The following FAM171B variants were observed in gnomAD, a reference collection of about 807,000 sequenced individuals.
FAM171B encodes family with sequence similarity 171 member B.
Under a neutral mutation model 75.6 loss-of-function variants are expected in FAM171B, and 19 were observed. The ratio of observed to expected loss-of-function variants is 0.25; its 90% confidence interval spans 0.18 to 0.37. FAM171B has a LOEUF of 0.37. FAM171B is among the 10% of genes least tolerant of loss of function. The pLI, the probability that FAM171B is intolerant of heterozygous loss-of-function variation, is 1.00. For synonymous variants in FAM171B, 367 were observed against 361.7 expected (o/e 1.01, Z -0.17); for missense variants, 848 against 982.4 (o/e 0.86, Z 1.83).
At chr2:186,740,103 T>G in intron 1 of FAM171B, 125 bp from the exon 2 acceptor site, 1 of 629,774 alleles carries the variant, frequency 1.6e-6, no homozygotes, top group South Asian at 2.2e-5. Flanking sequence ...TATGTATTTA[T>G]GTGTAGTTCC....
intron 5 of FAM171B, among the ~76,000 whole-genome samples, chr2:186,753,362 T>G (rs922742052): frequency 1.3e-5 from 2 of 152,182 alleles, no homozygotes; most frequent in Non-Finnish European, 2.9e-5. Context: ...AAATGACAAC[T>G]TTTTTGGAAT....
chr2:186,761,620 G>A lies in FAM171B; in HGVS notation c.1278G>A (p.Gln426=). 1 of 1,613,298 alleles carries A rather than the reference G, an allele frequency of 6.2e-7. No individual in the cohort carries two copies. The highest frequency in any genetic ancestry group is 8.5e-7 in the Non-Finnish European group (1 of 1,179,630). The change falls in exon 8 of 8, where the codon CAG becomes CAA. Residue 426 remains glutamine, a synonymous_variant. Coordinates refer to ENST00000304698, the MANE Select transcript of FAM171B (RefSeq NM_177454.4). The part of the protein sequence containing the change: ...KVALKAEDKS[Q]LFNAKNSSYS... Reference sequence around the variant, plus strand: ...CATTAAAAGCTGAGGACAAGTCGCAGTTATTCAATGCCAAAAACTCCTCAT... The same window carrying A: ...CATTAAAAGCTGAGGACAAGTCGCAATTATTCAATGCCAAAAACTCCTCAT...
At chr2:186,747,577 T>C (rs1044177942) in intron 4 of FAM171B, among the ~76,000 whole-genome samples, 1 of 152,212 alleles carries the variant, frequency 6.6e-6, no homozygotes, top group African/African-American at 2.4e-5. Flanking sequence ...GAAAATTTAA[T>C]ACATTCAAAA....
intron 1 of FAM171B, among the ~76,000 whole-genome samples, chr2:186,726,466 C>T (rs1316097287): frequency 6.6e-6 from 1 of 152,060 alleles, no homozygotes; most frequent in Non-Finnish European, 1.5e-5. Flanking sequence ...TAAACCCTTT[C>T]CACCCCACTT....
intron 1 of FAM171B, among the ~76,000 whole-genome samples, chr2:186,699,721 C>T (rs1689630657): frequency 6.6e-6 from 1 of 151,994 alleles, no homozygotes; most frequent in South Asian, 2.1e-4. Flanking sequence ...GGAAAATTTC[C>T]CCAGTGTTTT....
At chr2:186,737,606 T>G (rs897087054) in intron 1 of FAM171B, among the ~76,000 whole-genome samples, 5 of 152,192 alleles carry the variant, frequency 3.3e-5, no homozygotes, top group African/African-American at 1.2e-4. Context: ...CCTTTTAAAG[T>G]GCTGGGATTA....
chr2:186,748,788 GC>G (rs1690409284), intron 4 of FAM171B, among the ~76,000 whole-genome samples: 2 of 152,134 alleles, frequency 1.3e-5, no homozygotes, highest in Non-Finnish European at 2.9e-5. Context: ...AGGGTCTGCT[GC>G]TTGAGGAAGC....
chr2:186,754,393 T>C (rs149661436), intron 6 of FAM171B, among the ~76,000 whole-genome samples: 145 of 152,318 alleles, frequency 9.5e-4, no homozygotes, highest in Non-Finnish European at 1.7e-3. Context: ...AAAAATATGC[T>C]ATATTAGAAG....
intron 1 of FAM171B, among the ~76,000 whole-genome samples, chr2:186,736,566 G>GTGTGT (rs1553511472): frequency 5.5e-5 from 7 of 128,110 alleles, no homozygotes; most frequent in Admixed American, 3.3e-4. Flanking sequence ...GTGTGTGTGT[G>GTGTGT]GGAGAGAGAG....
chr2:186,737,449 T>C (rs1481977276), intron 1 of FAM171B, among the ~76,000 whole-genome samples: 3 of 152,186 alleles, frequency 2.0e-5, no homozygotes, highest in Non-Finnish European at 4.4e-5. Flanking sequence ...CTTGACCTCC[T>C]GGGCTAAATC....
In FAM171B at chr2:186,694,552, T is replaced by C. The variant is rs935527011; in HGVS notation, c.238+141T>C. The C allele has an allele frequency of 3.2e-6, 4 of 1,238,074 alleles. No individual in the cohort carries two copies. The East Asian group carries it at 7.8e-5, about 24-fold the overall frequency. 76.7% of individuals were successfully genotyped at this position (1,238,074 alleles called of 1,614,324 possible). Reference sequence around the variant, plus strand: ...TCCCTCCCGATCTCTCTCCCCAGACTGGCTGCCCAGCCTTTGGTCCCTTGA... The same window carrying C: ...TCCCTCCCGATCTCTCTCCCCAGACCGGCTGCCCAGCCTTTGGTCCCTTGA... On this transcript the variant is annotated intron_variant, in intron 1 of 7. Coordinates refer to ENST00000304698, the MANE Select transcript of FAM171B (RefSeq NM_177454.4).
In FAM171B at chr2:186,694,092, C is replaced by A; in HGVS notation, c.-82C>A. ...GCGCGAGGGGGAGCGAGCGAGCGGG[C>A]GCTGCCAGGAGCCCGCAGCCCTGGC... On this transcript the variant is annotated 5_prime_UTR_variant, in exon 1 of 8. Transcript: ENST00000304698. 7.2e-7 allele frequency: 1 copy of A among 1,384,510 alleles called. No homozygotes were observed. Among genetic ancestry groups the A allele is most frequent in the South Asian group, 1.6e-5 (1 of 60,994 alleles). 85.8% of individuals were successfully genotyped at this position (1,384,510 alleles called of 1,614,324 possible).
In FAM171B at chr2:186,703,074, T is replaced by TACACACACAC. The variant is rs1354045826; in HGVS notation, c.238+8664_238+8665insCACACACACA. On this transcript the variant is annotated intron_variant, in intron 1 of 7. Coordinates refer to ENST00000304698, the MANE Select transcript of FAM171B (RefSeq NM_177454.4). ...TAATATGTGTGTGTGTATATATATA[T>TACACACACAC]ATACACACACACACACACACACACA... Among the ~76,000 whole-genome samples the TACACACACAC allele has an allele frequency of 7.9e-5, 8 of 101,840 alleles. No homozygotes were observed. In the East Asian group the frequency reaches 3.3e-3, roughly 42 times the overall value. The allele number at this position is 101,840 out of a possible 152,430, so 66.8% of individuals were successfully genotyped here.
At position 186,701,381 on chromosome 2, in the gene FAM171B, C is replaced by T. The variant is rs73979344; in HGVS notation, c.238+6970C>T. 8.9e-3 allele frequency among the ~76,000 whole-genome samples: 1,360 copies of T among 152,224 alleles called. 22 individuals carry two copies. Among genetic ancestry groups the T allele is most frequent in the African/African-American group, 0.03 (1,248 of 41,524 alleles). Reference sequence around the variant, plus strand: ...GTAACAACACCAAAACCTACTCTCACCAAATTTCCAGTATACAGTACAATA... The same window carrying T: ...GTAACAACACCAAAACCTACTCTCATCAAATTTCCAGTATACAGTACAATA... On this transcript the variant is annotated intron_variant, in intron 1 of 7. Transcript: ENST00000304698.
intron 1 of FAM171B, among the ~76,000 whole-genome samples, chr2:186,713,229 C>T (rs528370499): frequency 1.3e-5 from 2 of 152,298 alleles, no homozygotes; most frequent in African/African-American, 4.8e-5. Context: ...TGTACTCACA[C>T]GGGCATCTGC....
chr2:186,706,449 A>G (rs927782629), intron 1 of FAM171B, among the ~76,000 whole-genome samples: 1 of 152,224 alleles, frequency 6.6e-6, no homozygotes, highest in Non-Finnish European at 1.5e-5. Context: ...GAGACTATGA[A>G]GAGTGAATGG....
At chr2:186,700,597 A>G (rs1689645849) in intron 1 of FAM171B, among the ~76,000 whole-genome samples, 1 of 152,208 alleles carries the variant, frequency 6.6e-6, no homozygotes, top group Non-Finnish European at 1.5e-5. Flanking sequence ...ATTGCTGAAT[A>G]AATTGTATGA....
chr2:186,756,584 T>G (rs576399832), intron 6 of FAM171B, among the ~76,000 whole-genome samples: 2 of 152,292 alleles, frequency 1.3e-5, no homozygotes, highest in South Asian at 4.1e-4. Flanking sequence ...GATGGCCACT[T>G]TCTCAAGATG....
At chr2:186,736,218 T>C (rs1368352804) in intron 1 of FAM171B, among the ~76,000 whole-genome samples, 2 of 152,198 alleles carry the variant, frequency 1.3e-5, no homozygotes, top group African/African-American at 2.4e-5. Flanking sequence ...TAATTGCTTT[T>C]AAGAGAGTAA....
Sources: gnomAD v4.1 joint callset for allele counts (sites outside exome capture counted in the v4.1 genomes callset) on GRCh38, gnomAD v4.1.1 for gene constraint, MANE v1.5 for transcripts, NCBI Gene and HGNC (gene_info 2026-07-23, HGNC 2026-07-21) for gene names.